The following KCTD14 variants were observed in gnomAD, a reference collection of about 807,000 sequenced individuals.
KCTD14 encodes potassium channel tetramerization domain containing 14.
Under a neutral mutation model 5.9 loss-of-function variants are expected in KCTD14, and 7 were observed. The observed-to-expected ratio is 1.19, with a 90% CI of 0.68 to 2.23. KCTD14 has a LOEUF of 2.23. Among genes scored for constraint, KCTD14 ranks in the 30% most tolerant of loss-of-function variants. KCTD14 has a pLI of 0.00. For synonymous variants in KCTD14, 140 were observed against 133.1 expected (o/e 1.05, Z -0.36); for missense variants, 342 against 332.2 (o/e 1.03, Z -0.23).
chr11:78,017,421 T>C, intron 1 of KCTD14, 151 bp from the exon 2 acceptor site: 1 of 1,067,422 alleles, frequency 9.4e-7, no homozygotes, highest in Non-Finnish European at 1.3e-6. Context: ...AAGAGGGTTA[T>C]ATTTATGCTG....
chr11:78,026,152 T>C (rs934713783), upstream of KCTD14, among the ~76,000 whole-genome samples: 3 of 152,282 alleles, frequency 2.0e-5, no homozygotes, highest in Admixed American at 6.5e-5. Context: ...CATAAGACAC[T>C]AGGGCCACGC....
chr11:78,020,638 G>A (rs1756331333), intron 1 of KCTD14, among the ~76,000 whole-genome samples: 9 of 152,208 alleles, frequency 5.9e-5, no homozygotes, highest in Admixed American at 5.2e-4. Flanking sequence ...GGACCAATAT[G>A]TTCTCATTAC....
chr11:78,027,825 G>A (rs1163095972), upstream of KCTD14, among the ~76,000 whole-genome samples: 1 of 152,166 alleles, frequency 6.6e-6, no homozygotes, highest in African/African-American at 2.4e-5. Flanking sequence ...CCTCCAGGTA[G>A]CAGGCTTCAG....
In KCTD14 at chr11:78,028,602, CAA is replaced by C. The variant is rs56160318; in HGVS notation, c.-1+10060_-1+10061del. On this transcript the variant is annotated intron_variant, in intron 2 of 2. Coordinates refer to the KCTD14 transcript ENST00000533144. ...TTGGCAATAGAGCAAGTGTCCATCT[CAA>C]AAAAAAAAAAAAAAAAGCAGCCTGA... Among the ~76,000 whole-genome samples the C allele has an allele frequency of 2.7e-3, 290 of 106,008 alleles. 1 individual carries two copies. The highest frequency in any genetic ancestry group is 6.2e-3 in the African/African-American group (190 of 30,590). The allele number at this position is 106,008 out of a possible 152,430, so 69.5% of individuals were successfully genotyped here. A position where few individuals can be genotyped will look rare whatever the true frequency, so the allele number is the denominator to read the frequency against.
In KCTD14 at chr11:78,028,749, T is replaced by C. The variant is rs556055006; in HGVS notation, c.-1+9915A>G. ...TGAGCCCAGGAGTTTGAGACTAGCC[T>C]GGGAAACATGGCAAAACCCCATCTC... is the stretch of plus-strand genomic sequence containing the variant. On this transcript the variant is annotated intron_variant, in intron 2 of 2. Coordinates refer to the KCTD14 transcript ENST00000533144. Among the ~76,000 whole-genome samples the C allele has an allele frequency of 2.3e-4, 35 of 152,138 alleles. No individual in the cohort carries two copies. The South Asian group carries it at 4.2e-3, about 18-fold the overall frequency.
At position 78,023,239 on chromosome 11, in the gene KCTD14, C is replaced by T; in HGVS notation, c.11G>A (p.Gly4Asp). Reference protein sequence around the residue: MWQGCAVERPVGRM... With the variant: MWQDCAVERPVGRM... ...GCCCACTGGCCGCTCCACTGCGCAG[C>T]CCTGCCACATGCAGATCACTTGGGC... The change falls in exon 1 of 2, where the codon GGC becomes GAC. Residue 4 changes from glycine to aspartate, a missense_variant. Coordinates refer to ENST00000353172, the MANE Select transcript of KCTD14 (RefSeq NM_023930.4). 6.2e-7 allele frequency: 1 copy of T among 1,609,388 alleles called. No individual in the cohort carries two copies. Among genetic ancestry groups the T allele is most frequent in the African/African-American group, 1.3e-5 (1 of 74,994 alleles).
intron 1 of KCTD14, chr11:78,022,831 G>C (rs1857340668): frequency 3.8e-6 from 1 of 260,466 alleles, no homozygotes. Flanking sequence ...CAGAGGAGGA[G>C]TCGTGGGCTA....
intron 1 of KCTD14, among the ~76,000 whole-genome samples, chr11:78,043,736 A>G (rs1273774169): frequency 6.6e-6 from 1 of 152,174 alleles, no homozygotes; most frequent in East Asian, 1.9e-4. Flanking sequence ...AAGGTGAGGC[A>G]AAGTGGTGCA....
intron 1 of KCTD14, among the ~76,000 whole-genome samples, chr11:78,039,609 G>T (rs906064368): frequency 3.3e-5 from 5 of 150,218 alleles, no homozygotes; most frequent in Non-Finnish European, 7.4e-5. Context: ...CTCTACAAAA[G>T]AAAAAAAAAT....
At chr11:78,038,897 C>A in intron 1 of KCTD14, 1 of 1,010,992 alleles carries the variant, frequency 9.9e-7, no homozygotes. Context: ...TGGTCACGGT[C>A]AGGCCCGGAT....
chr11:78,041,991 C>T (rs1281585170), intron 1 of KCTD14, among the ~76,000 whole-genome samples: 1 of 149,566 alleles, frequency 6.7e-6, no homozygotes, highest in Non-Finnish European at 1.5e-5. Context: ...GGCTTGCCAC[C>T]ATCTTGGAAG....
In KCTD14 at chr11:78,017,060, G is replaced by A. The variant is rs767220900; in HGVS notation, c.301C>T (p.Gln101Ter). The A allele has an allele frequency of 2.7e-5, 43 of 1,614,144 alleles. No homozygotes were observed. The highest frequency in any genetic ancestry group is 3.5e-5 in the Non-Finnish European group (41 of 1,180,064). The change falls in exon 2 of 2, where the codon CAG becomes TAG. Residue 101 changes from glutamine to a stop codon, truncating the protein, a stop_gained. Transcript: ENST00000353172. LOFTEE classifies it low-confidence loss of function (END_TRUNC). The part of the protein sequence containing the change: ...DYLRTGQVPT[Q>*]HIPEVYREAQ... ...TCACGGTACACTTCAGGGATGTGCT[G>A]TGTGGGCACTTGCCCAGTGCGCAGG...
chr11:78,036,918 C>G (rs955593939), intron 2 of KCTD14, among the ~76,000 whole-genome samples: 2 of 152,178 alleles, frequency 1.3e-5, no homozygotes, highest in South Asian at 2.1e-4. Context: ...TAATTGCCTG[C>G]CCAATGCCAG....
At chr11:78,033,542 C>G (rs569800368) in intron 2 of KCTD14, among the ~76,000 whole-genome samples, 11 of 152,090 alleles carry the variant, frequency 7.2e-5, no homozygotes, top group African/African-American at 2.7e-4. Flanking sequence ...ATTAGCCGGG[C>G]ATGGTGGCAG....
At chr11:78,018,223 C>T (rs761353634) in intron 1 of KCTD14, among the ~76,000 whole-genome samples, 4 of 152,126 alleles carry the variant, frequency 2.6e-5, no homozygotes, top group Non-Finnish European at 5.9e-5. Flanking sequence ...TTCCCTCTTA[C>T]AGCCTCAGTT....
At chr11:78,036,291 T>A (rs1298476347) in intron 2 of KCTD14, among the ~76,000 whole-genome samples, 2 of 152,280 alleles carry the variant, frequency 1.3e-5, no homozygotes, top group Non-Finnish European at 1.5e-5. Flanking sequence ...TGTGCATGCA[T>A]TGTGTCTATG....
Position 78,016,366 on chromosome 11 carries a change from C to G in KCTD14, c.*227G>C. The G allele has an allele frequency of 1.7e-6, 1 of 579,082 alleles. No individual in the cohort carries two copies. Among genetic ancestry groups the G allele is most frequent in the South Asian group, 2.1e-5 (1 of 46,602 alleles). 35.9% of individuals were successfully genotyped at this position (579,082 alleles called of 1,614,324 possible). On this transcript the variant is annotated 3_prime_UTR_variant, in exon 2 of 2. Coordinates refer to ENST00000353172, the MANE Select transcript of KCTD14 (RefSeq NM_023930.4). ...CTTCAAGAGAAGGGTCTGGGAGATA[C>G]ATGAGGCTTTGAAAAGGAAGTAGCT...
At chr11:78,035,642 G>A (rs1857768806) in intron 2 of KCTD14, among the ~76,000 whole-genome samples, 1 of 151,802 alleles carries the variant, frequency 6.6e-6, no homozygotes, top group Non-Finnish European at 1.5e-5. Context: ...TCAGGAGTTC[G>A]AAACCAGCTC....
In KCTD14 at chr11:78,016,755, C is replaced by A; in HGVS notation, c.606G>T (p.Gly202=). The change falls in exon 2 of 2, where the codon GGG becomes GGT. Residue 202 remains glycine, a synonymous_variant. Coordinates refer to ENST00000353172, the MANE Select transcript of KCTD14 (RefSeq NM_023930.4). ...KKMFKSVVKF[G]PWKAVLDNSD... ...TGTTGTCTAGGACCGCCTTCCAGGG[C>A]CCAAACTTGACAACAGACTTGAACA... 1.2e-6 allele frequency: 2 copies of A among 1,614,152 alleles called. No homozygotes were observed. Among genetic ancestry groups the A allele is most frequent in the Non-Finnish European group, 1.7e-6 (2 of 1,180,020 alleles).
Sources: gnomAD v4.1 joint callset for allele counts (sites outside exome capture counted in the v4.1 genomes callset) on GRCh38, gnomAD v4.1.1 for gene constraint, MANE v1.5 for transcripts, NCBI Gene and HGNC (gene_info 2026-07-23, HGNC 2026-07-21) for gene names.